The following ROCK2 variants were observed in gnomAD, a reference collection of about 807,000 sequenced individuals.
ROCK2 encodes Rho associated coiled-coil containing protein kinase 2, also known as rho-associated protein kinase 2.
ROCK2 carries 61 observed loss-of-function variants against 195.1 expected under a neutral mutation model. That is an observed-to-expected ratio of 0.31 (90% CI 0.25 to 0.39). ROCK2 has a LOEUF of 0.39. Ranked by LOEUF, ROCK2 falls within the 10% of genes least tolerant of loss-of-function variation. The probability of loss-of-function intolerance (pLI) is 1.00; values close to 1 mark genes in which losing one functional copy is unlikely to be tolerated. For synonymous variants in ROCK2, 504 were observed against 545.5 expected (o/e 0.92, Z 1.06); for missense variants, 1,109 against 1,637.4 (o/e 0.68, Z 5.57).
intron 1 of ROCK2, among the ~76,000 whole-genome samples, chr2:11,295,446 G>T (rs1430303769): frequency 6.6e-6 from 1 of 151,896 alleles, no homozygotes; most frequent in East Asian, 1.9e-4. Context: ...TCTCATCCAG[G>T]ATATAACACA....
intron 4 of ROCK2, among the ~76,000 whole-genome samples, chr2:11,240,932 T>A (rs1486957524): frequency 1.3e-5 from 2 of 152,182 alleles, no homozygotes; most frequent in African/African-American, 4.8e-5. Flanking sequence ...AGAAAAGAGA[T>A]ACCGTATATA....
chr2:11,320,805 G>A (rs536203343), intron 1 of ROCK2, among the ~76,000 whole-genome samples: 6 of 152,302 alleles, frequency 3.9e-5, no homozygotes, highest in Admixed American at 6.5e-5. Context: ...ACCATGCCCA[G>A]AGAGGGAACC....
At chr2:11,299,426 G>GA (rs1269498051) in intron 1 of ROCK2, among the ~76,000 whole-genome samples, 1 of 152,026 alleles carries the variant, frequency 6.6e-6, no homozygotes, top group Non-Finnish European at 1.5e-5. Flanking sequence ...AAGTTCACAT[G>GA]AAAAATCAAA....
chr2:11,218,656 C>A (rs1664515571), intron 10 of ROCK2, among the ~76,000 whole-genome samples, 190 bp from the exon 11 acceptor site: 1 of 152,166 alleles, frequency 6.6e-6, no homozygotes, highest in Non-Finnish European at 1.5e-5. Flanking sequence ...GCTTTGCATT[C>A]ATTTACAAAT....
At chr2:11,308,268 A>C in intron 1 of ROCK2, 1 of 1,174,284 alleles carries the variant, frequency 8.5e-7, no homozygotes, top group South Asian at 1.2e-5. Context: ...ACACAGTCTC[A>C]AGAAGAATTT....
At chr2:11,317,608 A>ATG (rs1210144997) in intron 1 of ROCK2, among the ~76,000 whole-genome samples, 1 of 15,944 alleles carries the variant, frequency 6.3e-5, no homozygotes, top group Non-Finnish European at 1.3e-4. Context: ...ATATATATAT[A>ATG]TATATTTTTT....
chr2:11,207,809 C>G lies in ROCK2; in HGVS notation c.2466G>C (p.Met822Ile). 1.2e-6 allele frequency: 2 copies of G among 1,612,618 alleles called. No homozygotes were observed. Among genetic ancestry groups the G allele is most frequent in the South Asian group, 2.2e-5 (2 of 90,910 alleles). Reference sequence around the variant, plus strand: ...TTTCTTGCTTTAACTGCTTTTCTGACATTTTTAGTGTGTTAACCTGTTGTG... The same window carrying G: ...TTTCTTGCTTTAACTGCTTTTCTGAGATTTTTAGTGTGTTAACCTGTTGTG... ...MQTQQVNTLK[M>I]SEKQLKQENN... is the part of the protein sequence containing the mutation. Residue 822 changes from methionine to isoleucine, a missense_variant, in exon 20 of 33, where the codon ATG (methionine) becomes ATC (isoleucine). Coordinates refer to ENST00000315872, the MANE Select transcript of ROCK2 (RefSeq NM_004850.5).
rs186320711 is a variant in ROCK2 at position 11,214,282 on chromosome 2, T to C, written c.2043+75A>G. 1.3e-5 allele frequency: 10 copies of C among 785,648 alleles called. No individual in the cohort carries two copies. The East Asian group carries it at 2.5e-4, about 20-fold the overall frequency. 48.7% of individuals were successfully genotyped at this position (785,648 alleles called of 1,614,324 possible). A position where few individuals can be genotyped will look rare whatever the true frequency, so the allele number is the denominator to read the frequency against. ...GAAATATTCCAGTTAGTGACTTCCC[T>C]TAGTTTAGAATAACTTTTCTAACCT... On this transcript the variant is annotated intron_variant, in intron 17 of 32. Transcript: ENST00000315872.
chr2:11,195,099 A>T, intron 27 of ROCK2, 74 bp from the exon 28 acceptor site: 1 of 747,502 alleles, frequency 1.3e-6, no homozygotes, highest in Non-Finnish European at 2.1e-6. Flanking sequence ...ATAAAATTTT[A>T]ATATGAAATT....
At chr2:11,205,882 G>A (rs1350169721) in intron 20 of ROCK2, among the ~76,000 whole-genome samples, 1 of 152,148 alleles carries the variant, frequency 6.6e-6, no homozygotes, top group Non-Finnish European at 1.5e-5. Context: ...GCAAAGCCAG[G>A]CAGATCACCT....
chr2:11,300,342 A>G (rs1345931115), intron 1 of ROCK2, among the ~76,000 whole-genome samples: 1 of 152,138 alleles, frequency 6.6e-6, no homozygotes, highest in Non-Finnish European at 1.5e-5. Flanking sequence ...AGCTCAATGC[A>G]ATCTCCGCCC....
At position 11,308,832 on chromosome 2, in the gene ROCK2, A is replaced by C. The variant is rs10205944; in HGVS notation, c.142-21096T>G. The C allele has an allele frequency of 3.0e-5, 49 of 1,610,940 alleles. No homozygotes were observed. The African/African-American group carries it at 4.5e-4, about 15-fold the overall frequency. ...ATGGATGAAATTAAACTTGGGCCAAATGTAATAGAACTATACAAGAAACCC... is the reference window on the plus strand; with the variant it reads ...ATGGATGAAATTAAACTTGGGCCAACTGTAATAGAACTATACAAGAAACCC... On this transcript the variant is annotated intron_variant, in intron 1 of 32. Coordinates refer to ENST00000315872, the MANE Select transcript of ROCK2 (RefSeq NM_004850.5).
chr2:11,258,579 T>C (rs768155875), intron 3 of ROCK2, among the ~76,000 whole-genome samples: 20 of 151,442 alleles, frequency 1.3e-4, no homozygotes, highest in Middle Eastern at 3.4e-3. Flanking sequence ...AGAGAGCCTA[T>C]GGAGTTCAGT....
At chr2:11,313,524 T>G (rs960964950) in intron 1 of ROCK2, among the ~76,000 whole-genome samples, 8 of 152,062 alleles carry the variant, frequency 5.3e-5, no homozygotes, top group South Asian at 4.1e-4. Flanking sequence ...CCTGGTACCA[T>G]GTTTCTATTG....
intron 1 of ROCK2, among the ~76,000 whole-genome samples, chr2:11,322,492 TTAGAAGAGCATCCATA>T (rs1429877453): frequency 6.6e-6 from 1 of 151,864 alleles, no homozygotes; most frequent in Non-Finnish European, 1.5e-5. Flanking sequence ...CATGAATGCA[TTAGAAGAGCATCCATA>T]ATGCTCTTCT....
Position 11,218,939 on chromosome 2 carries a change from A to C in ROCK2, c.1320+27T>G, listed in dbSNP as rs752657964. The C allele has an allele frequency of 2.3e-6, 3 of 1,282,146 alleles. No homozygotes were observed. The Admixed American group carries it at 6.9e-5, about 30-fold the overall frequency. The allele number at this position is 1,282,146 out of a possible 1,614,324, so 79.4% of individuals were successfully genotyped here. A position where few individuals can be genotyped will look rare whatever the true frequency, so the allele number is the denominator to read the frequency against. On this transcript the variant is annotated intron_variant, in intron 10 of 32. Coordinates refer to ENST00000315872, the MANE Select transcript of ROCK2 (RefSeq NM_004850.5). ...AATATTTAAACATGAAACTAAAATA[A>C]CTACAGCAGTAAAAATGTATACGTA...
At chr2:11,262,912 A>C (rs1209557057) in intron 3 of ROCK2, among the ~76,000 whole-genome samples, 2 of 152,194 alleles carry the variant, frequency 1.3e-5, no homozygotes, top group Non-Finnish European at 2.9e-5. Flanking sequence ...TATTATTTTT[A>C]TAAGAAGATC....
rs1435990580 is a variant in ROCK2 at position 11,182,756 on chromosome 2, T to C, written c.*681A>G. On this transcript the variant is annotated 3_prime_UTR_variant, in exon 33 of 33. Coordinates refer to ENST00000315872, the MANE Select transcript of ROCK2 (RefSeq NM_004850.5). ...ATTAGGAAACTGATATAATTAACTT[T>C]AAACTTCTTGTTACAGTAACTGCTT... 6.6e-6 allele frequency: 1 copy of C among 152,604 alleles called. No homozygotes were observed. Among genetic ancestry groups the C allele is most frequent in the Non-Finnish European group, 1.5e-5 (1 of 68,024 alleles). 9.5% of individuals were successfully genotyped at this position (152,604 alleles called of 1,614,324 possible). A position where few individuals can be genotyped will look rare whatever the true frequency, so the allele number is the denominator to read the frequency against.
At chr2:11,226,912 G>GGAAA (rs1191584645) in intron 6 of ROCK2, among the ~76,000 whole-genome samples, 1 of 100,804 alleles carries the variant, frequency 9.9e-6, no homozygotes. Flanking sequence ...CCCTGCCTCA[G>GGAAA]AAAAAAAAAA....
Sources: gnomAD v4.1 joint callset for allele counts (sites outside exome capture counted in the v4.1 genomes callset) on GRCh38, gnomAD v4.1.1 for gene constraint, MANE v1.5 for transcripts, NCBI Gene and HGNC (gene_info 2026-07-23, HGNC 2026-07-21) for gene names.